The following SLC24A2 variants were observed in gnomAD, a reference collection of about 807,000 sequenced individuals.
The protein encoded by SLC24A2 is sodium/potassium/calcium exchanger 2.
SLC24A2 carries 36 observed loss-of-function variants against 62.0 expected under a neutral mutation model. The ratio of observed to expected loss-of-function variants is 0.58; its 90% CI spans 0.44 to 0.77. The LOEUF (loss-of-function observed/expected upper bound fraction) is 0.77. SLC24A2 is among the 30% of genes least tolerant of loss of function. The pLI is 0.00. For synonymous variants in SLC24A2, 358 were observed against 294.0 expected (o/e 1.22, Z -2.23); for missense variants, 846 against 817.9 (o/e 1.03, Z -0.42).
chr9:20,060,564 G>C, the SLC24A2 span, among the ~76,000 whole-genome samples: 1 of 152,028 alleles, frequency 6.6e-6, no homozygotes, highest in African/African-American at 2.4e-5. Flanking sequence ...CCATCTAGTA[G>C]AGGCAGAAAA....
the SLC24A2 span, among the ~76,000 whole-genome samples, chr9:19,843,123 A>G: frequency 6.1e-4 from 93 of 152,286 alleles, no homozygotes; most frequent in African/African-American, 2.0e-3. Context: ...AAAGATATGC[A>G]GCCAGGTTTT....
the SLC24A2 span, among the ~76,000 whole-genome samples, chr9:20,004,494 A>T: frequency 1.3e-5 from 2 of 152,234 alleles, no homozygotes; most frequent in African/African-American, 4.8e-5. Flanking sequence ...TAATAACAGA[A>T]TATAGGCTGC....
At chr9:19,682,687 T>G (rs958843960) in intron 2 of SLC24A2, among the ~76,000 whole-genome samples, 10 of 152,178 alleles carry the variant, frequency 6.6e-5, no homozygotes, top group African/African-American at 9.6e-5. Context: ...ACAAACGTAC[T>G]GTAAGAAATA....
chr9:19,995,033 C>T, the SLC24A2 span, among the ~76,000 whole-genome samples: 1,219 of 150,286 alleles, frequency 8.1e-3, 17 homozygotes, highest in African/African-American at 0.026. Context: ...TTTAATTTGG[C>T]GGATGGTGAG....
chr9:19,824,340 C>T, the SLC24A2 span, among the ~76,000 whole-genome samples: 18 of 151,944 alleles, frequency 1.2e-4, no homozygotes, highest in African/African-American at 4.3e-4. Context: ...AAAAACAACC[C>T]CATCAAAAAG....
intron 8 of SLC24A2, among the ~76,000 whole-genome samples, chr9:19,529,393 C>A (rs1354205794): frequency 1.3e-5 from 2 of 152,162 alleles, no homozygotes; most frequent in African/African-American, 4.8e-5. Flanking sequence ...TGCTCCAAAC[C>A]AGGCTTATGT....
intron 2 of SLC24A2, among the ~76,000 whole-genome samples, chr9:19,701,862 T>A (rs951622272): frequency 6.6e-6 from 1 of 152,152 alleles, no homozygotes; most frequent in Non-Finnish European, 1.5e-5. Context: ...ATCTAATCCA[T>A]CTAATTTAAT....
chr9:19,784,140 G>C (rs1251223733), intron 2 of SLC24A2, among the ~76,000 whole-genome samples: 1 of 152,152 alleles, frequency 6.6e-6, no homozygotes, highest in Admixed American at 6.5e-5. Context: ...ACCTAATTGA[G>C]TAGGTAAAGA....
At chr9:20,075,623 C>A in the SLC24A2 span, among the ~76,000 whole-genome samples, 7 of 152,088 alleles carry the variant, frequency 4.6e-5, no homozygotes, top group South Asian at 2.1e-4. Flanking sequence ...TGGGTTCACT[C>A]CCTTCTGCTT....
the SLC24A2 span, among the ~76,000 whole-genome samples, chr9:19,890,188 A>G: frequency 3.3e-5 from 5 of 152,204 alleles, no homozygotes; most frequent in African/African-American, 1.2e-4. Context: ...CCCAAGCCAA[A>G]TGCTGGAGAA....
chr9:20,200,959 G>GT, the SLC24A2 span, among the ~76,000 whole-genome samples: 1 of 152,104 alleles, frequency 6.6e-6, no homozygotes, highest in East Asian at 1.9e-4. Context: ...TAAAACAGGG[G>GT]TTTTACCCTG....
At chr9:20,129,757 A>T in the SLC24A2 span, among the ~76,000 whole-genome samples, 5 of 152,104 alleles carry the variant, frequency 3.3e-5, no homozygotes, top group Non-Finnish European at 5.9e-5. Context: ...TAGATTAATG[A>T]CTGCCAAGGA....
At chr9:19,606,377 A>G (rs937234571) in intron 4 of SLC24A2, among the ~76,000 whole-genome samples, 5 of 152,204 alleles carry the variant, frequency 3.3e-5, no homozygotes, top group African/African-American at 4.8e-5. Flanking sequence ...TACATTCACT[A>G]TTGGTGTTTT....
the SLC24A2 span, among the ~76,000 whole-genome samples, chr9:20,043,473 C>A: frequency 1.3e-5 from 2 of 152,186 alleles, no homozygotes; most frequent in African/African-American, 4.8e-5. Context: ...TGAAAAGCTT[C>A]TGGAAAGGAT....
At chr9:19,597,421 G>T (rs1223869650) in intron 4 of SLC24A2, 142 bp from the exon 5 acceptor site, 1 of 694,276 alleles carries the variant, frequency 1.4e-6, no homozygotes, top group Admixed American at 2.2e-5. Flanking sequence ...GTGCAAACAT[G>T]GGCCATGTGG....
chr9:20,258,613 T>A, the SLC24A2 span, among the ~76,000 whole-genome samples: 1 of 152,222 alleles, frequency 6.6e-6, no homozygotes, highest in African/African-American at 2.4e-5. Context: ...CAGCAGCCCA[T>A]GGGCCTTTCA....
chr9:19,918,240 T>C, the SLC24A2 span, among the ~76,000 whole-genome samples: 1 of 151,996 alleles, frequency 6.6e-6, no homozygotes, highest in Admixed American at 6.6e-5. Flanking sequence ...TTTATTTGGT[T>C]GTAGTATAGC....
At chr9:19,859,269 T>G in the SLC24A2 span, among the ~76,000 whole-genome samples, 1 of 152,158 alleles carries the variant, frequency 6.6e-6, no homozygotes. Context: ...TACTGAATGT[T>G]CTCACTTTTA....
chr9:19,558,781 C>CATTA (rs1246933170), intron 7 of SLC24A2, among the ~76,000 whole-genome samples: 1 of 152,182 alleles, frequency 6.6e-6, no homozygotes, highest in Non-Finnish European at 1.5e-5. Context: ...CCTCCTCTTT[C>CATTA]ATTATTGGAG....
Sources: allele counts gnomAD v4.1 joint callset (sites outside exome capture counted in the v4.1 genomes callset), GRCh38; gene constraint gnomAD v4.1.1; transcripts MANE v1.5; gene names NCBI Gene and HGNC (gene_info 2026-07-23, HGNC 2026-07-21).